Variants in ALK observed in about 807,000 individuals in gnomAD.
The protein encoded by ALK is ALK receptor tyrosine kinase.
A neutral mutation model predicts 163.1 loss-of-function variants in ALK; 74 were observed. That is an observed-to-expected ratio of 0.45 (90% CI 0.38 to 0.55). The LOEUF (loss-of-function observed/expected upper bound fraction) is 0.55. Among genes scored for constraint, ALK ranks in the 20% least tolerant of loss-of-function variants. The pLI is 0.00. For missense variants in ALK, 2,063 were observed against 2,105.3 expected, an observed-to-expected ratio of 0.98 and a Z score of 0.39; for synonymous variants, 960 against 843.2, an observed-to-expected ratio of 1.14 and a Z score of -2.40.
At chr2:29,434,056 G>A (rs945983294) in intron 4 of ALK, among the ~76,000 whole-genome samples, 1 of 152,082 alleles carries the variant, frequency 6.6e-6, no homozygotes, top group East Asian at 1.9e-4. Flanking sequence ...GCATGGAGAA[G>A]GGGATGCTTG....
At chr2:29,821,535 G>T (rs1188797887) in intron 1 of ALK, among the ~76,000 whole-genome samples, 2 of 152,106 alleles carry the variant, frequency 1.3e-5, no homozygotes, top group Non-Finnish European at 2.9e-5. Context: ...CAGTCCTGCT[G>T]CCCTGAAAGG....
At chr2:29,818,121 A>C (rs947950328) in intron 1 of ALK, among the ~76,000 whole-genome samples, 1 of 152,030 alleles carries the variant, frequency 6.6e-6, no homozygotes, top group African/African-American at 2.4e-5. Context: ...TATTCCTCTT[A>C]TTATCTCCTA....
At chr2:29,531,857 T>A (rs1309723255) in intron 4 of ALK, 58 bp downstream of exon 4, 1 of 1,580,794 alleles carries the variant, frequency 6.3e-7, no homozygotes, top group Non-Finnish European at 8.7e-7. Context: ...TGGAAATGTG[T>A]AACCAAAAGC....
At position 29,920,033 on chromosome 2, in the gene ALK, G is replaced by A. The variant is rs1165267868; in HGVS notation, c.627C>T (p.Arg209=). Reference sequence around the variant, plus strand: ...GGAAGAGAAGGCGGGGCTGGGAGGCGCGAATTGCCGCGGACAGCCTTCCCT... The same window carrying A: ...GGAAGAGAAGGCGGGGCTGGGAGGCACGAATTGCCGCGGACAGCCTTCCCT... ...GREGRLSAAI[R]ASQPRLLFQI... is the part of the protein sequence containing the mutation. The change falls in exon 1 of 29, where the codon CGC becomes CGT. Residue 209 remains arginine (R), a synonymous_variant. Coordinates refer to ENST00000389048, the MANE Select transcript of ALK (RefSeq NM_004304.5). 13 of 1,614,006 alleles carry A rather than the reference G, an allele frequency of 8.1e-6. No individual in the cohort carries two copies. The highest frequency in any genetic ancestry group is 9.3e-6 in the Non-Finnish European group (11 of 1,180,044).
At chr2:29,392,497 A>T (rs1205698249) in intron 4 of ALK, among the ~76,000 whole-genome samples, 5 of 152,174 alleles carry the variant, frequency 3.3e-5, no homozygotes, top group African/African-American at 4.8e-5. Context: ...GGCCCCTTTC[A>T]TTGTTGCCTC....
intron 13 of ALK, among the ~76,000 whole-genome samples, chr2:29,234,947 A>G (rs1261764597): frequency 6.6e-6 from 1 of 152,238 alleles, no homozygotes; most frequent in Non-Finnish European, 1.5e-5. Context: ...GCCTGACCTC[A>G]GGTGATCCGC....
At chr2:29,454,569 G>A (rs1380249696) in intron 4 of ALK, among the ~76,000 whole-genome samples, 1 of 152,092 alleles carries the variant, frequency 6.6e-6, no homozygotes, top group African/African-American at 2.4e-5. Flanking sequence ...AATCTAAGGA[G>A]ACAAGAAGGG....
intron 3 of ALK, among the ~76,000 whole-genome samples, chr2:29,606,259 A>G (rs1675539577): frequency 6.6e-6 from 1 of 152,218 alleles, no homozygotes; most frequent in African/African-American, 2.4e-5. Context: ...CAAAAGGCCT[A>G]CTGGATAAGC....
At chr2:29,247,275 C>G (rs1405793067) in intron 12 of ALK, among the ~76,000 whole-genome samples, 1 of 152,250 alleles carries the variant, frequency 6.6e-6, no homozygotes, top group Non-Finnish European at 1.5e-5. Flanking sequence ...GCAGCAGGGC[C>G]TCTGGGGCAG....
intron 11 of ALK, among the ~76,000 whole-genome samples, chr2:29,253,877 T>TAGAG (rs1454111783): frequency 6.8e-6 from 1 of 147,940 alleles, no homozygotes; most frequent in Non-Finnish European, 1.5e-5. Flanking sequence ...GATAGATAGA[T>TAGAG]AGATAGATAG....
intron 1 of ALK, among the ~76,000 whole-genome samples, chr2:29,910,187 C>A (rs1478394869): frequency 6.6e-6 from 1 of 151,968 alleles, no homozygotes; most frequent in Non-Finnish European, 1.5e-5. Flanking sequence ...AAAATGGAAG[C>A]AGAAATTCTA....
chr2:29,392,943 T>C (rs1241335042), intron 4 of ALK, among the ~76,000 whole-genome samples: 3 of 152,112 alleles, frequency 2.0e-5, no homozygotes, highest in Non-Finnish European at 4.4e-5. Context: ...TCAAGGTTAC[T>C]GAGTATTTAA....
At chr2:29,243,671 T>C (rs1043362927) in intron 12 of ALK, among the ~76,000 whole-genome samples, 5 of 152,232 alleles carry the variant, frequency 3.3e-5, no homozygotes, top group African/African-American at 1.2e-4. Context: ...TTAGCTCTTC[T>C]GAAGACCCCT....
chr2:29,748,674 A>G (rs1011234167), intron 1 of ALK, among the ~76,000 whole-genome samples: 1 of 152,216 alleles, frequency 6.6e-6, no homozygotes, highest in Non-Finnish European at 1.5e-5. Flanking sequence ...CATAGTGTAT[A>G]CATATTTAAT....
chr2:29,788,791 T>C (rs1470967619), intron 1 of ALK, among the ~76,000 whole-genome samples: 4 of 152,170 alleles, frequency 2.6e-5, no homozygotes, highest in African/African-American at 9.7e-5. Flanking sequence ...AAGGGACCCA[T>C]TATAGCTGAA....
At chr2:29,453,362 C>G (rs988147831) in intron 4 of ALK, among the ~76,000 whole-genome samples, 4 of 152,058 alleles carry the variant, frequency 2.6e-5, no homozygotes, top group Non-Finnish European at 5.9e-5. Context: ...TTTTGAGTAG[C>G]TGGGACTACA....
At chr2:29,732,071 A>G (rs1679758158) in intron 1 of ALK, among the ~76,000 whole-genome samples, 1 of 152,222 alleles carries the variant, frequency 6.6e-6, no homozygotes, top group East Asian at 1.9e-4. Flanking sequence ...ATCTTCAAGA[A>G]TATTGCTGTA....
At chr2:29,256,426 G>C (rs1334309332) in intron 11 of ALK, among the ~76,000 whole-genome samples, 1 of 152,130 alleles carries the variant, frequency 6.6e-6, no homozygotes, top group South Asian at 2.1e-4. Flanking sequence ...GCTGCGAGTG[G>C]AGTTACAGTG....
At chr2:29,239,170 T>C (rs1424921276) in intron 13 of ALK, among the ~76,000 whole-genome samples, 3 of 152,192 alleles carry the variant, frequency 2.0e-5, no homozygotes, top group East Asian at 3.9e-4. Context: ...AGGGAAAAAC[T>C]GAACTTTACT....
Sources: gnomAD v4.1 joint callset for allele counts (sites outside exome capture counted in the v4.1 genomes callset) on GRCh38, gnomAD v4.1.1 for gene constraint, MANE v1.5 for transcripts, NCBI Gene and HGNC (gene_info 2026-07-23, HGNC 2026-07-21) for gene names.